Variants in RHBDD1 observed in about 807,000 individuals in gnomAD.
The protein encoded by RHBDD1 is rhomboid domain containing 1.
Under a neutral mutation model 36.3 loss-of-function variants are expected in RHBDD1, and 38 were observed. The observed-to-expected ratio is 1.05, with a 90% CI of 0.81 to 1.37. The LOEUF (loss-of-function observed/expected upper bound fraction) is 1.37. Ranked by LOEUF, RHBDD1 falls within the 40% of genes most tolerant of loss-of-function variation. The pLI is 0.00. For missense variants in RHBDD1, 393 were observed against 377.6 expected (o/e 1.04, Z -0.34); for synonymous variants, 151 against 136.5 (o/e 1.11, Z -0.74).
chr2:226,856,296 G>T (rs1017913555), intron 3 of RHBDD1, among the ~76,000 whole-genome samples: 1 of 152,060 alleles, frequency 6.6e-6, no homozygotes, highest in South Asian at 2.1e-4. Context: ...AACAGATTGC[G>T]AGTATTCAGT....
chr2:226,923,882 G>A lies in RHBDD1; in HGVS notation c.856+9531G>A, dbSNP rs139339050. ...ATCTCTTTGCCAAATTTGTTTAATG[G>A]GAATCTCTCCCTTCAGGGAAGTGGG... On this transcript the variant is annotated intron_variant, in intron 8 of 8. Transcript: ENST00000392062. 1.1e-4 allele frequency among the ~76,000 whole-genome samples: 17 copies of A among 152,048 alleles called. No individual in the cohort carries two copies. In the East Asian group the frequency reaches 2.9e-3, roughly 26 times the overall value.
At chr2:226,921,404 C>A (rs1382605531) in intron 8 of RHBDD1, among the ~76,000 whole-genome samples, 3 of 151,788 alleles carry the variant, frequency 2.0e-5, no homozygotes, top group Non-Finnish European at 4.4e-5. Context: ...TCTTGCTTTT[C>A]CAGTGGTTTA....
At chr2:226,953,966 G>C (rs1296833876) in intron 8 of RHBDD1, among the ~76,000 whole-genome samples, 1 of 152,084 alleles carries the variant, frequency 6.6e-6, no homozygotes, top group Non-Finnish European at 1.5e-5. Context: ...AGGGTGGGTG[G>C]CACCATCCTC....
chr2:226,920,069 T>C (rs1949200371), intron 8 of RHBDD1, among the ~76,000 whole-genome samples: 1 of 151,926 alleles, frequency 6.6e-6, no homozygotes. Context: ...AGGCATTTTA[T>C]TTTACTTGTA....
chr2:226,830,592 A>G (rs1285013710), upstream of RHBDD1, among the ~76,000 whole-genome samples: 1 of 152,052 alleles, frequency 6.6e-6, no homozygotes, highest in Admixed American at 6.5e-5. Context: ...AGACCCTCAG[A>G]CTCTTGGGCT....
intron 8 of RHBDD1, among the ~76,000 whole-genome samples, chr2:226,962,314 T>C (rs1457468648): frequency 6.6e-6 from 1 of 152,228 alleles, no homozygotes; most frequent in Non-Finnish European, 1.5e-5. Flanking sequence ...TGCTAATAAA[T>C]GAAAGTCTTT....
chr2:226,875,820 C>T (rs983084428), intron 5 of RHBDD1, among the ~76,000 whole-genome samples: 1 of 152,110 alleles, frequency 6.6e-6, no homozygotes, highest in Non-Finnish European at 1.5e-5. Context: ...TTCTTTTGAC[C>T]ACTAGTTCCT....
chr2:226,874,560 A>T (rs1945056903), intron 5 of RHBDD1, among the ~76,000 whole-genome samples: 1 of 151,314 alleles, frequency 6.6e-6, no homozygotes, highest in Non-Finnish European at 1.5e-5. Context: ...GGGCTGCATC[A>T]CTCCATCTCT....
At chr2:226,955,455 C>T (rs115407409) in intron 8 of RHBDD1, among the ~76,000 whole-genome samples, 19 of 152,350 alleles carry the variant, frequency 1.2e-4, no homozygotes, top group Non-Finnish European at 2.5e-4. Context: ...CAATATGCAG[C>T]TTTTTAGCAT....
chr2:226,886,116 C>A (rs1355883765), intron 5 of RHBDD1, among the ~76,000 whole-genome samples: 2 of 152,178 alleles, frequency 1.3e-5, no homozygotes, highest in Non-Finnish European at 2.9e-5. Flanking sequence ...AGTGAAACAG[C>A]ACATAAGCGG....
At chr2:226,900,493 G>A (rs1024359950) in intron 5 of RHBDD1, among the ~76,000 whole-genome samples, 1 of 152,212 alleles carries the variant, frequency 6.6e-6, no homozygotes, top group African/African-American at 2.4e-5. Flanking sequence ...TCTAAAGAGA[G>A]TCACTATTAA....
At chr2:226,992,254 A>G (rs1045801253) in intron 8 of RHBDD1, among the ~76,000 whole-genome samples, 1 of 152,226 alleles carries the variant, frequency 6.6e-6, no homozygotes, top group African/African-American at 2.4e-5. Flanking sequence ...AACGCAGAGC[A>G]CACACACAGT....
At chr2:226,908,356 A>G (rs1289712185) in intron 6 of RHBDD1, 2 of 153,378 alleles carry the variant, frequency 1.3e-5, no homozygotes, top group African/African-American at 2.4e-5. Flanking sequence ...CAGCCGTGCC[A>G]AATTGACTGA....
intron 5 of RHBDD1, chr2:226,867,562 G>A (rs1022038488): frequency 3.0e-5 from 30 of 984,286 alleles, no homozygotes; most frequent in Non-Finnish European, 3.6e-5. Flanking sequence ...TTTTTTTTAA[G>A]TAGGAGAACC....
At chr2:226,829,339 T>C in the RHBDD1 span, among the ~76,000 whole-genome samples, 1 of 152,196 alleles carries the variant, frequency 6.6e-6, no homozygotes, top group African/African-American at 2.4e-5. Flanking sequence ...TTCAAAACTG[T>C]TTTGGCCATT....
intron 8 of RHBDD1, among the ~76,000 whole-genome samples, chr2:226,975,742 C>T (rs1954451997): frequency 6.6e-6 from 1 of 152,156 alleles, no homozygotes; most frequent in African/African-American, 2.4e-5. Flanking sequence ...TTAAGTATTG[C>T]CTTGTGTACT....
At chr2:226,907,544 T>C (rs1301285482) in intron 6 of RHBDD1, among the ~76,000 whole-genome samples, 1 of 152,242 alleles carries the variant, frequency 6.6e-6, no homozygotes, top group Non-Finnish European at 1.5e-5. Flanking sequence ...TTTTATAGAC[T>C]GAGTTCCACT....
intron 7 of RHBDD1, among the ~76,000 whole-genome samples, chr2:226,912,461 A>G (rs1223799680): frequency 6.6e-6 from 1 of 152,196 alleles, no homozygotes; most frequent in East Asian, 1.9e-4. Flanking sequence ...ACAAATGTCT[A>G]TCAGTTGACA....
chr2:226,998,577 TTC>T lies in RHBDD1; in HGVS notation c.*3059_*3060del, dbSNP rs1960103267. The T allele has an allele frequency of 6.6e-6, 1 of 152,140 alleles. No individual in the cohort carries two copies. The highest frequency in any genetic ancestry group is 2.4e-5 in the African/African-American group (1 of 41,414). The allele number at this position is 152,140 out of a possible 1,614,324, so 9.4% of individuals were successfully genotyped here. ...TCATTGCAGTCATTCCCTAAGTTTC[TTC>T]TCTTTTTTTTTCATGGCTGCTAGTA... is the stretch of plus-strand genomic sequence containing the variant. On this transcript the variant is annotated 3_prime_UTR_variant, in exon 9 of 9. Coordinates refer to ENST00000392062, the MANE Select transcript of RHBDD1 (RefSeq NM_001167608.3).
Sources: allele counts gnomAD v4.1 joint callset (sites outside exome capture counted in the v4.1 genomes callset), GRCh38; gene constraint gnomAD v4.1.1; transcripts MANE v1.5; gene names NCBI Gene and HGNC (gene_info 2026-07-23, HGNC 2026-07-21).